Variants in INPP5D observed in about 807,000 individuals in gnomAD.
INPP5D encodes the protein phosphatidylinositol 3,4,5-trisphosphate 5-phosphatase 1.
In INPP5D, 33 loss-of-function variants were observed where a neutral mutation model predicts 122.9. That is an observed-to-expected ratio of 0.27 (90% CI 0.20 to 0.36). INPP5D has a LOEUF of 0.36. INPP5D is among the 10% of genes least tolerant of loss of function. The pLI is 1.00. For synonymous variants in INPP5D, 584 were observed against 576.2 expected, an observed-to-expected ratio of 1.01 and a Z score of -0.19; for missense variants, 1,053 against 1,412.7, an observed-to-expected ratio of 0.75 and a Z score of 4.08.
chr2:233,114,172 G>T (rs532682586), intron 2 of INPP5D, among the ~76,000 whole-genome samples: 5 of 152,088 alleles, frequency 3.3e-5, no homozygotes, highest in East Asian at 1.9e-4. Context: ...CCTCCCAAAG[G>T]GCTGGGATTA....
At chr2:233,138,067 G>C (rs1242775258) in intron 5 of INPP5D, among the ~76,000 whole-genome samples, 2 of 107,056 alleles carry the variant, frequency 1.9e-5, no homozygotes, top group African/African-American at 7.2e-5. Context: ...AAAAAGCAAA[G>C]TAGGCCGGGC....
At position 233,100,216 on chromosome 2, in the gene INPP5D, C is replaced by A. The variant is rs961610576; in HGVS notation, c.198+20818C>A. On this transcript the variant is annotated intron_variant, in intron 2 of 26. Transcript: ENST00000445964. This position sits in a 1 kb window ranked among gnomAD's most constrained non-coding sequence, Gnocchi z 5.3. ...CCACCTCGCCCTGTCGCCTCACTCG[C>A]AGCCTGTTCCACTCATTTACATCAC... is the stretch of plus-strand genomic sequence containing the variant. Among the ~76,000 whole-genome samples, 1 of 152,194 alleles carries A rather than the reference C, an allele frequency of 6.6e-6. No individual in the cohort carries two copies. The highest frequency in any genetic ancestry group is 1.5e-5 in the Non-Finnish European group (1 of 68,034).
chr2:233,177,136 G>A lies in INPP5D; in HGVS notation c.1990-129G>A. ...AAAAAAGTTTAAAGCCACCTACAGG[G>A]AAATTCTATAAAAAGCCAACAGCCG... On this transcript the variant is annotated intron_variant, in intron 17 of 26. Coordinates refer to ENST00000445964, the MANE Select transcript of INPP5D (RefSeq NM_001017915.3). This position sits in a 1 kb window ranked among gnomAD's most constrained non-coding sequence, Gnocchi z 4.2. 2 of 1,287,128 alleles carry A rather than the reference G, an allele frequency of 1.6e-6. No individual in the cohort carries two copies. Among genetic ancestry groups the A allele is most frequent in the South Asian group, 2.8e-5 (2 of 71,226 alleles). 79.7% of individuals were successfully genotyped at this position (1,287,128 alleles called of 1,614,324 possible).
chr2:233,198,161 C>A lies in INPP5D; in HGVS notation c.2760C>A (p.Pro920=). The A allele has an allele frequency of 6.2e-7, 1 of 1,613,454 alleles. No individual in the cohort carries two copies. The highest frequency in any genetic ancestry group is 1.1e-5 in the South Asian group (1 of 91,084). The part of the protein sequence containing the change: ...IINPNYMGVG[P]FGPPMPLHVK... ...ACCCCAACTACATGGGAGTGGGGCC[C>A]TTTGGGCCACCAATGCCCCTGCACG... The change falls in exon 25 of 27, where the codon CCC becomes CCA. Residue 920 remains proline, a synonymous_variant. Transcript: ENST00000445964.
chr2:233,202,923 C>T (rs533253314), intron 25 of INPP5D, among the ~76,000 whole-genome samples: 2 of 152,314 alleles, frequency 1.3e-5, no homozygotes, highest in East Asian at 3.9e-4. Flanking sequence ...CTTGGCTTCC[C>T]CAGTACTCGC....
chr2:233,144,277 G>A (rs1288966491), intron 6 of INPP5D, among the ~76,000 whole-genome samples: 5 of 150,918 alleles, frequency 3.3e-5, no homozygotes, highest in African/African-American at 9.8e-5. Flanking sequence ...GAGTGGTAGG[G>A]GTGGAGATTA....
At chr2:233,196,535 T>G (rs1695190030) in intron 24 of INPP5D, among the ~76,000 whole-genome samples, 1 of 152,222 alleles carries the variant, frequency 6.6e-6, no homozygotes, top group African/African-American at 2.4e-5. Context: ...TCATGGGATC[T>G]GTGGCCACCA....
chr2:233,115,924 G>T (rs1009950000), intron 2 of INPP5D, among the ~76,000 whole-genome samples: 1 of 152,124 alleles, frequency 6.6e-6, no homozygotes, highest in Non-Finnish European at 1.5e-5. Context: ...ATGACATGAC[G>T]CAGAGTGAGC....
chr2:233,062,578 C>T (rs1264134128), intron 1 of INPP5D, among the ~76,000 whole-genome samples: 1 of 152,226 alleles, frequency 6.6e-6, no homozygotes, highest in Non-Finnish European at 1.5e-5. Context: ...GATGGGTGTG[C>T]AGTGTCTGCT....
At chr2:233,117,955 A>G (rs559135288) in intron 2 of INPP5D, among the ~76,000 whole-genome samples, 84 of 152,222 alleles carry the variant, frequency 5.5e-4, no homozygotes, top group African/African-American at 1.9e-3. Context: ...CGGCAAATCC[A>G]TGGAACCACT....
At chr2:233,173,402 T>A (rs1046575614) in intron 17 of INPP5D, among the ~76,000 whole-genome samples, 2 of 152,154 alleles carry the variant, frequency 1.3e-5, no homozygotes, top group Non-Finnish European at 2.9e-5. Context: ...ATTTATTTTT[T>A]AAATTTTCTT....
chr2:233,063,235 C>A (rs1008239276), intron 1 of INPP5D, among the ~76,000 whole-genome samples: 3 of 152,180 alleles, frequency 2.0e-5, no homozygotes, highest in African/African-American at 7.2e-5. Flanking sequence ...CAGAAGGAAG[C>A]CACACACTCA....
chr2:233,172,687 A>G (rs1694519023), intron 17 of INPP5D, among the ~76,000 whole-genome samples: 1 of 152,226 alleles, frequency 6.6e-6, no homozygotes, highest in Non-Finnish European at 1.5e-5. Context: ...GCGTCGCTTA[A>G]CAACGGGGAT....
chr2:233,178,068 T>C (rs927173209), intron 18 of INPP5D, among the ~76,000 whole-genome samples: 2 of 152,170 alleles, frequency 1.3e-5, no homozygotes, highest in Non-Finnish European at 2.9e-5. Flanking sequence ...TTGAGTTAAA[T>C]TGATTTTTAG....
At chr2:233,126,856 G>T (rs547233871) in intron 4 of INPP5D, among the ~76,000 whole-genome samples, 16 of 152,074 alleles carry the variant, frequency 1.1e-4, no homozygotes, top group Non-Finnish European at 1.3e-4. Flanking sequence ...GGAAGCAGAG[G>T]TTGCAGTGAA....
intron 4 of INPP5D, 57 bp downstream of exon 4, chr2:233,125,976 A>G: frequency 2.0e-6 from 3 of 1,535,178 alleles, no homozygotes; most frequent in Non-Finnish European, 8.9e-7. Flanking sequence ...CAGCCAGGGC[A>G]GGGCTGGATG....
intron 2 of INPP5D, among the ~76,000 whole-genome samples, chr2:233,091,425 T>C (rs898350443): frequency 1.3e-5 from 2 of 152,196 alleles, no homozygotes; most frequent in African/African-American, 4.8e-5. Flanking sequence ...GGTCAAGGTG[T>C]TGGCAGAGCT....
At position 233,134,974 on chromosome 2, in the gene INPP5D, G is replaced by A. The variant is rs575120108; in HGVS notation, c.665+4326G>A. Among the ~76,000 whole-genome samples, 5 of 152,182 alleles carry A rather than the reference G, an allele frequency of 3.3e-5. No individual in the cohort carries two copies. The South Asian group carries it at 8.3e-4, about 25-fold the overall frequency. On this transcript the variant is annotated intron_variant, in intron 5 of 26. Coordinates refer to ENST00000445964, the MANE Select transcript of INPP5D (RefSeq NM_001017915.3). Reference sequence around the variant, plus strand: ...GAAAAGATTAAGCAAACCTAGATGAGGAAATGTGTGGTAAAAATGGACAGT... The same window carrying A: ...GAAAAGATTAAGCAAACCTAGATGAAGAAATGTGTGGTAAAAATGGACAGT...
intron 22 of INPP5D, 136 bp from the exon 23 acceptor site, chr2:233,193,676 T>C (rs572831105): frequency 1.4e-6 from 2 of 1,420,560 alleles, no homozygotes; most frequent in Admixed American, 1.9e-5. Flanking sequence ...AGTACTGTGG[T>C]GTTGTTCTGA....
Sources: allele counts gnomAD v4.1 joint callset (sites outside exome capture counted in the v4.1 genomes callset), GRCh38; gene constraint gnomAD v4.1.1; non-coding constraint Gnocchi (gnomAD v3.1); transcripts MANE v1.5; gene names NCBI Gene and HGNC (gene_info 2026-07-23, HGNC 2026-07-21).